Variants in NUMB observed in about 807,000 individuals in gnomAD.
The protein encoded by NUMB is protein numb homolog.
A neutral mutation model predicts 59.7 loss-of-function variants in NUMB; 29 were observed. The ratio of observed to expected loss-of-function variants is 0.49; its 90% CI spans 0.36 to 0.66. NUMB has a LOEUF of 0.66. NUMB is among the 30% of genes least tolerant of loss of function. The pLI is 0.00. For synonymous variants in NUMB, 288 were observed against 288.2 expected, an observed-to-expected ratio of 1.00 and a Z score of 0.01; for missense variants, 723 against 822.0, an observed-to-expected ratio of 0.88 and a Z score of 1.47.
chr14:73,433,251 G>A lies in NUMB; in HGVS notation c.-232-23183C>T, dbSNP rs377244938. On this transcript the variant is annotated intron_variant, in intron 1 of 12. Coordinates refer to ENST00000555238, the MANE Select transcript of NUMB (RefSeq NM_001005743.2). ...AGTCTGGCCAACATGGCAAAACCCC[G>A]TCTCTACTGAAAATACAAAAATTAG... Among the ~76,000 whole-genome samples, 26 of 151,724 alleles carry A rather than the reference G, an allele frequency of 1.7e-4. No individual in the cohort carries two copies. In the East Asian group the frequency reaches 4.3e-3, roughly 25 times the overall value.
chr14:73,435,273 T>C lies in NUMB; in HGVS notation c.-233+23220A>G, dbSNP rs1221669713. 4.7e-4 allele frequency among the ~76,000 whole-genome samples: 29 copies of C among 61,518 alleles called. No individual in the cohort carries two copies. In the African/African-American group the frequency reaches 5.5e-3, roughly 12 times the overall value. 40.4% of individuals were successfully genotyped at this position (61,518 alleles called of 152,430 possible). A position where few individuals can be genotyped will look rare whatever the true frequency, so the allele number is the denominator to read the frequency against. On this transcript the variant is annotated intron_variant, in intron 1 of 12. Coordinates refer to ENST00000555238, the MANE Select transcript of NUMB (RefSeq NM_001005743.2). The stretch of plus-strand genomic sequence containing the variant: ...TTTGGAGAACCATTTGGCAATTACT[T>C]TTTTTTTTTTTTTTTTTTGAGACAG...
chr14:73,301,954 G>A (rs866908971), intron 6 of NUMB, among the ~76,000 whole-genome samples: 5 of 152,176 alleles, frequency 3.3e-5, no homozygotes, highest in Middle Eastern at 3.4e-3. Context: ...GTGGGGGCAC[G>A]TGCCTGTAAT....
intron 1 of NUMB, among the ~76,000 whole-genome samples, chr14:73,410,279 G>A (rs1388876216): frequency 6.6e-6 from 1 of 152,188 alleles, no homozygotes; most frequent in East Asian, 1.9e-4. Context: ...GGATAATATG[G>A]GTTCAAGTTC....
At chr14:73,416,436 C>T (rs1157342939) in intron 1 of NUMB, among the ~76,000 whole-genome samples, 1 of 151,608 alleles carries the variant, frequency 6.6e-6, no homozygotes, top group Non-Finnish European at 1.5e-5. Context: ...CCAACAATGG[C>T]ATATCAGTAT....
chr14:73,297,139 C>A, intron 7 of NUMB, 72 bp downstream of exon 7: 1 of 1,027,252 alleles, frequency 9.7e-7, no homozygotes, highest in Non-Finnish European at 1.5e-6. Context: ...TGCACTCCAG[C>A]CTGGGTGACA....
intron 1 of NUMB, among the ~76,000 whole-genome samples, chr14:73,415,607 C>T (rs1798566886): frequency 6.6e-6 from 1 of 151,542 alleles, no homozygotes; most frequent in African/African-American, 2.4e-5. Context: ...GCTGGGATTA[C>T]AGGCATGAGC....
chr14:73,353,823 C>A (rs992347815), intron 4 of NUMB, among the ~76,000 whole-genome samples: 1 of 151,790 alleles, frequency 6.6e-6, no homozygotes, highest in African/African-American at 2.4e-5. Context: ...ATACGTAATA[C>A]TCAACTTATA....
At chr14:73,338,092 T>C (rs1892443506) in intron 4 of NUMB, among the ~76,000 whole-genome samples, 1 of 152,048 alleles carries the variant, frequency 6.6e-6, no homozygotes, top group Admixed American at 6.6e-5. Flanking sequence ...TGAGACCAGC[T>C]TGGACAACAT....
intron 6 of NUMB, among the ~76,000 whole-genome samples, chr14:73,308,482 T>C (rs1890589543): frequency 6.6e-6 from 1 of 152,212 alleles, no homozygotes; most frequent in African/African-American, 2.4e-5. Context: ...GGCCATTTGG[T>C]GCTCTTCACT....
At chr14:73,449,908 G>A (rs1290252377) in intron 1 of NUMB, among the ~76,000 whole-genome samples, 4 of 152,124 alleles carry the variant, frequency 2.6e-5, no homozygotes, top group African/African-American at 4.8e-5. Context: ...GGCTGGTCTC[G>A]AACTCCTGAC....
intron 2 of NUMB, among the ~76,000 whole-genome samples, chr14:73,408,756 A>C (rs1896786297): frequency 6.6e-6 from 1 of 151,896 alleles, no homozygotes; most frequent in South Asian, 2.1e-4. Context: ...ACAAGCCTGG[A>C]ATCCCAGCTA....
At chr14:73,398,421 T>A (rs201216074) in intron 2 of NUMB, among the ~76,000 whole-genome samples, 1,322 of 89,214 alleles carry the variant, frequency 0.015, 8 homozygotes, top group African/African-American at 0.034. Flanking sequence ...AGAGAGTGTG[T>A]GTGTGTGTGT....
intron 2 of NUMB, among the ~76,000 whole-genome samples, chr14:73,384,660 G>C (rs1026634445): frequency 1.3e-5 from 2 of 151,954 alleles, no homozygotes; most frequent in African/African-American, 4.8e-5. Context: ...CTCTGCCTCC[G>C]AGGCTCAAAC....
At chr14:73,305,978 ATAATT>A (rs1249807318) in intron 6 of NUMB, among the ~76,000 whole-genome samples, 2 of 152,244 alleles carry the variant, frequency 1.3e-5, no homozygotes, top group Non-Finnish European at 1.5e-5. Context: ...CTTGAAGTCT[ATAATT>A]TAATATTTGA....
chr14:73,367,075 C>T (rs1894376869), intron 2 of NUMB, 94 bp from the exon 3 acceptor site: 1 of 151,744 alleles, frequency 6.6e-6, no homozygotes, highest in African/African-American at 2.4e-5. Flanking sequence ...AAAACACACA[C>T]AAAATAAAGA....
chr14:73,320,603 G>A (rs1271933580), intron 5 of NUMB, among the ~76,000 whole-genome samples: 1 of 152,134 alleles, frequency 6.6e-6, no homozygotes, highest in East Asian at 1.9e-4. Flanking sequence ...AACAGTTTTG[G>A]TAAACTTAAA....
intron 4 of NUMB, among the ~76,000 whole-genome samples, chr14:73,353,072 G>GGTTTTTTTTT (rs1893521675): frequency 1.7e-5 from 1 of 58,514 alleles, no homozygotes; most frequent in Non-Finnish European, 3.3e-5. Context: ...AGTTTTTCTT[G>GGTTTTTTTTT]TTTTTTTTTT....
chr14:73,368,045 A>T (rs1312297817), intron 2 of NUMB, among the ~76,000 whole-genome samples: 3 of 66,980 alleles, frequency 4.5e-5, no homozygotes, highest in African/African-American at 1.0e-4. Context: ...CAAAGTGTTT[A>T]AAAAAAAAAA....
intron 1 of NUMB, among the ~76,000 whole-genome samples, chr14:73,443,334 G>A (rs1002145454): frequency 6.6e-6 from 1 of 152,176 alleles, no homozygotes; most frequent in African/African-American, 2.4e-5. Flanking sequence ...AGTGGCTCAC[G>A]CCTGTAATCC....
Sources: allele counts gnomAD v4.1 joint callset (sites outside exome capture counted in the v4.1 genomes callset), GRCh38; gene constraint gnomAD v4.1.1; transcripts MANE v1.5; gene names NCBI Gene and HGNC (gene_info 2026-07-23, HGNC 2026-07-21).